ZNF385B: variants seen among roughly 807,000 people sequenced by gnomAD.
ZNF385B encodes zinc finger protein 533.
Under a neutral mutation model 39.2 loss-of-function variants are expected in ZNF385B, and 23 were observed. The ratio of observed to expected loss-of-function variants is 0.59; its 90% CI spans 0.42 to 0.83. The LOEUF (loss-of-function observed/expected upper bound fraction) is 0.83, where lower values mean the gene tolerates loss of function less well. ZNF385B is among the 40% of genes least tolerant of loss of function. ZNF385B has a pLI of 0.00. For synonymous variants in ZNF385B, 205 were observed against 222.6 expected, an observed-to-expected ratio of 0.92 and a Z score of 0.70; for missense variants, 552 against 598.9, an observed-to-expected ratio of 0.92 and a Z score of 0.82.
At chr2:179,493,817 A>ATACATATGTG in intron 5 of ZNF385B, among the ~76,000 whole-genome samples, 1 of 135,420 alleles carries the variant, frequency 7.4e-6, no homozygotes, top group Admixed American at 7.4e-5. Flanking sequence ...ATACATATAT[A>ATACATATGTG]TATAGCAGAG....
In ZNF385B at chr2:179,562,393, G is replaced by A. The variant is rs978504710; in HGVS notation, c.299-17424C>T. On this transcript the variant is annotated intron_variant, in intron 3 of 9. Coordinates refer to ENST00000410066, the MANE Select transcript of ZNF385B (RefSeq NM_152520.6). ...ATGTAAATGTGGGTCAGTTAGCAGT[G>A]CTTACCTTTGTTTTTAAGGTTACAG... 7 of 985,168 alleles carry A rather than the reference G, an allele frequency of 7.1e-6. No individual in the cohort carries two copies. The African/African-American group carries it at 8.7e-5, about 12-fold the overall frequency. The allele number at this position is 985,168 out of a possible 1,614,324, so 61.0% of individuals were successfully genotyped here. A position where few individuals can be genotyped will look rare whatever the true frequency, so the allele number is the denominator to read the frequency against.
intron 6 of ZNF385B, among the ~76,000 whole-genome samples, chr2:179,457,891 A>G (rs1343354303): frequency 6.6e-6 from 1 of 152,204 alleles, no homozygotes; most frequent in Non-Finnish European, 1.5e-5. Flanking sequence ...CAAAGCCCCA[A>G]GGCTTAAATA....
rs11371583 is a variant in ZNF385B at position 179,681,080 on chromosome 2, G to GTT, written c.298+88421_298+88422dup. Among the ~76,000 whole-genome samples, 286 of 138,970 alleles carry GTT rather than the reference G, an allele frequency of 2.1e-3. 1 individual carries two copies. The highest frequency in any genetic ancestry group is 5.8e-3 in the South Asian group (26 of 4,456). The allele number at this position is 138,970 out of a possible 152,430, so 91.2% of individuals were successfully genotyped here. A position where few individuals can be genotyped will look rare whatever the true frequency, so the allele number is the denominator to read the frequency against. On this transcript the variant is annotated intron_variant, in intron 3 of 9. Transcript: ENST00000410066. ...TAAATTATCTATGACTTAAACAACT[G>GTT]TTTTTTTTTTTTTTTGAAACTTTTG...
intron 3 of ZNF385B, among the ~76,000 whole-genome samples, chr2:179,708,150 A>G (rs1021880851): frequency 2.6e-5 from 4 of 152,164 alleles, no homozygotes; most frequent in African/African-American, 4.8e-5. Flanking sequence ...CCCAAATCTC[A>G]TCTCAAACTG....
intron 4 of ZNF385B, among the ~76,000 whole-genome samples, chr2:179,523,496 A>C (rs1373576807): frequency 2.0e-5 from 3 of 152,076 alleles, no homozygotes; most frequent in Non-Finnish European, 4.4e-5. Flanking sequence ...GCAGCACTTC[A>C]CTAAAGGTAG....
chr2:179,506,559 C>T (rs115659498), intron 5 of ZNF385B, among the ~76,000 whole-genome samples: 1,936 of 152,120 alleles, frequency 0.013, 39 homozygotes, highest in African/African-American at 0.043. Flanking sequence ...TTATTTGTTA[C>T]TATAATGGTA....
rs988269662 is a variant in ZNF385B at position 179,547,046 on chromosome 2, C to T, written c.299-2077G>A. The stretch of plus-strand genomic sequence containing the variant: ...GTCTTCTTTTGAGAAATGTCTTTTC[C>T]GATCTTTTGCCCATTTTTTATTCAG... On this transcript the variant is annotated intron_variant, in intron 3 of 9. Coordinates refer to ENST00000410066, the MANE Select transcript of ZNF385B (RefSeq NM_152520.6). Among the ~76,000 whole-genome samples the T allele has an allele frequency of 1.1e-4, 17 of 149,524 alleles. 1 individual carries two copies. Among genetic ancestry groups the T allele is most frequent in the African/African-American group, 2.5e-4 (10 of 39,740 alleles).
chr2:179,702,286 G>A (rs746796432), intron 3 of ZNF385B, among the ~76,000 whole-genome samples: 6 of 152,004 alleles, frequency 3.9e-5, no homozygotes, highest in Non-Finnish European at 7.4e-5. Flanking sequence ...ATATTACTCT[G>A]TATTTTAAAA....
At chr2:179,790,322 G>C (rs529115904) in intron 1 of ZNF385B, among the ~76,000 whole-genome samples, 1 of 152,252 alleles carries the variant, frequency 6.6e-6, no homozygotes, top group African/African-American at 2.4e-5. Context: ...TCACATTGTT[G>C]TTATTGACTG....
intron 6 of ZNF385B, among the ~76,000 whole-genome samples, chr2:179,480,710 A>C (rs201842822): frequency 6.9e-6 from 1 of 145,784 alleles, no homozygotes; most frequent in Admixed American, 6.8e-5. Flanking sequence ...TTTTTTTTTT[A>C]AGTGCCATCT....
intron 3 of ZNF385B, among the ~76,000 whole-genome samples, chr2:179,696,326 C>CTATTTTTTTTTTTT (rs1698742555): frequency 2.5e-5 from 1 of 40,350 alleles, no homozygotes; most frequent in Non-Finnish European, 4.1e-5. Flanking sequence ...CAAACTGGGA[C>CTATTTTTTTTTTTT]TTTTTTTTTT....
chr2:179,757,292 G>C (rs1703094578), intron 3 of ZNF385B, among the ~76,000 whole-genome samples: 1 of 152,242 alleles, frequency 6.6e-6, no homozygotes, highest in South Asian at 2.1e-4. Flanking sequence ...CTGCTGAACA[G>C]CAAATGTTGC....
intron 4 of ZNF385B, among the ~76,000 whole-genome samples, chr2:179,533,988 A>T (rs1023853757): frequency 1.3e-5 from 2 of 152,226 alleles, no homozygotes; most frequent in Non-Finnish European, 2.9e-5. Flanking sequence ...GGTTGTGCTT[A>T]TTCCCAACCT....
At position 179,769,746 on chromosome 2, in the gene ZNF385B, C is replaced by T. The variant is rs1337313660; in HGVS notation, c.55G>A (p.Ala19Thr). 6.2e-7 allele frequency: 1 copy of T among 1,613,864 alleles called. No homozygotes were observed. The highest frequency in any genetic ancestry group is 1.3e-5 in the African/African-American group (1 of 74,862). ...NHLEDGIMNM[A>T]NFLRGFEEKG... The stretch of plus-strand genomic sequence containing the variant: ...TCTTCAAAGCCCCGTAGAAAATTTG[C>T]CATATTCATGATTCCATCTTCAAGA... Residue 19 changes from alanine to threonine, a missense_variant, in exon 3 of 10, where the codon GCA becomes ACA. Ala to Thr is a moderately conservative substitution (Grantham distance 58). Coordinates refer to ENST00000410066, the MANE Select transcript of ZNF385B (RefSeq NM_152520.6).
Position 179,572,519 on chromosome 2 carries a change from C to T in ZNF385B, c.299-27550G>A, listed in dbSNP as rs374920682. ...ATGTGAGAGACAATTTGAGTATGAA[C>T]CGAGGGTTAGGCTGTAGTGAGAAAA... is the stretch of plus-strand genomic sequence containing the variant. On this transcript the variant is annotated intron_variant, in intron 3 of 9. Coordinates refer to ENST00000410066, the MANE Select transcript of ZNF385B (RefSeq NM_152520.6). Among the ~76,000 whole-genome samples, 62 of 152,034 alleles carry T rather than the reference C, an allele frequency of 4.1e-4. 1 individual carries two copies. In the South Asian group the frequency reaches 9.2e-3, roughly 22 times the overall value.
At chr2:179,858,927 T>G (rs971089926) in intron 1 of ZNF385B, among the ~76,000 whole-genome samples, 11 of 152,142 alleles carry the variant, frequency 7.2e-5, no homozygotes, top group Non-Finnish European at 1.5e-4. Flanking sequence ...GGAAAAAAAG[T>G]CTAAGGGCAG....
intron 1 of ZNF385B, chr2:179,796,221 T>C (rs772621014): frequency 7.2e-5 from 11 of 152,186 alleles, no homozygotes; most frequent in Non-Finnish European, 1.2e-4. Context: ...GGGGATGACT[T>C]ATGCAAAATG....
chr2:179,773,167 TATA>T (rs1469637187), intron 1 of ZNF385B, among the ~76,000 whole-genome samples: 2 of 152,134 alleles, frequency 1.3e-5, no homozygotes, highest in Non-Finnish European at 2.9e-5. Context: ...AATTGTTTTC[TATA>T]ATAATTTGAA....
Position 179,769,524 on chromosome 2 carries a change from G to C in ZNF385B, c.277C>G (p.Pro93Ala). The C allele has an allele frequency of 6.2e-7, 1 of 1,613,930 alleles. No individual in the cohort carries two copies. Among genetic ancestry groups the C allele is most frequent in the Non-Finnish European group, 8.5e-7 (1 of 1,179,988 alleles). The change falls in exon 3 of 10, where the codon CCC becomes GCC. Residue 93 changes from proline (P) to alanine (A), a missense_variant. By Grantham distance (27) the Pro-to-Ala change is conservative. Coordinates refer to ENST00000410066, the MANE Select transcript of ZNF385B (RefSeq NM_152520.6). ...CTACCTGTGCTGCTGTTGCTGCTGG[G>C]GCTGGCCTGGGCGGGTGGTGGGGGC... Reference protein sequence around the residue: ...GQPPPPAQASPSSNSSTGSTC... With the variant: ...GQPPPPAQASASSNSSTGSTC...
Sources: allele counts gnomAD v4.1 joint callset (sites outside exome capture counted in the v4.1 genomes callset), GRCh38; gene constraint gnomAD v4.1.1; transcripts MANE v1.5; gene names NCBI Gene and HGNC (gene_info 2026-07-23, HGNC 2026-07-21).